The following FRMPD4 variants were observed in gnomAD, a reference collection of about 807,000 sequenced individuals.
FRMPD4 encodes FERM and PDZ domain containing 4, also known as FERM and PDZ domain-containing protein 4.
A neutral mutation model predicts 94.1 loss-of-function variants in FRMPD4; 22 were observed. That is an observed-to-expected ratio of 0.23 (90% CI 0.17 to 0.33). The LOEUF (loss-of-function observed/expected upper bound fraction) is 0.33, where lower values mean the gene tolerates loss of function less well. Among genes scored for constraint, FRMPD4 ranks in the 10% least tolerant of loss-of-function variants. The probability of loss-of-function intolerance (pLI) is 1.00; values close to 1 mark genes in which losing one functional copy is unlikely to be tolerated. For missense variants in FRMPD4, 1,111 were observed against 1,339.9 expected (o/e 0.83, Z 2.67); for synonymous variants, 631 against 548.6 (o/e 1.15, Z -2.10).
intron 1 of FRMPD4, among the ~76,000 whole-genome samples, chrX:11,842,053 G>A (rs2053540462): frequency 9.1e-6 from 1 of 109,558 alleles, no homozygotes; most frequent in Non-Finnish European, 1.9e-5. Flanking sequence ...AGATCAGATA[G>A]TTGTAGATAT....
At chrX:12,077,251 G>A (rs2055027392) in intron 3 of FRMPD4, among the ~76,000 whole-genome samples, 1 of 111,991 alleles carries the variant, frequency 8.9e-6, no homozygotes, top group African/African-American at 3.2e-5. Flanking sequence ...TTTGTGTTCT[G>A]TTTTGTGTAC....
chrX:12,079,159 G>T (rs377554689), intron 3 of FRMPD4, among the ~76,000 whole-genome samples: 69 of 110,667 alleles, frequency 6.2e-4, no homozygotes, highest in Middle Eastern at 4.6e-3. Context: ...GTATGCTCAG[G>T]TCACCTCATC....
At chrX:12,150,000 C>A (rs943808936) in intron 1 of FRMPD4, among the ~76,000 whole-genome samples, 1 of 112,305 alleles carries the variant, frequency 8.9e-6, no homozygotes, top group Non-Finnish European at 1.9e-5. Context: ...TATTTATAAA[C>A]TAAGGTATGC....
chrX:12,350,913 C>G (rs777823756), intron 1 of FRMPD4, among the ~76,000 whole-genome samples: 1 of 112,497 alleles, frequency 8.9e-6, no homozygotes, highest in Non-Finnish European at 1.9e-5. Flanking sequence ...CAGTGGCTCA[C>G]GCCTGTAATC....
At chrX:12,549,485 G>A (rs1337988729) in intron 2 of FRMPD4, among the ~76,000 whole-genome samples, 1 of 112,413 alleles carries the variant, frequency 8.9e-6, no homozygotes, top group Non-Finnish European at 1.9e-5. Flanking sequence ...TGAAGTTAAT[G>A]TACCTTTTCT....
chrX:12,422,024 A>T (rs1406823156), intron 1 of FRMPD4, among the ~76,000 whole-genome samples: 1 of 112,241 alleles, frequency 8.9e-6, no homozygotes, highest in Non-Finnish European at 1.9e-5. Flanking sequence ...AGGGTGTAAA[A>T]CATTTTGGTA....
At chrX:12,029,012 T>G (rs1055134682) in intron 3 of FRMPD4, among the ~76,000 whole-genome samples, 32 of 112,247 alleles carry the variant, frequency 2.9e-4, no homozygotes, top group African/African-American at 1.0e-3. Flanking sequence ...TGTAACTGTT[T>G]GATTGTATGG....
chrX:12,703,083 G>A (rs1184318558), intron 10 of FRMPD4, among the ~76,000 whole-genome samples: 2 of 112,624 alleles, frequency 1.8e-5, no homozygotes, highest in Non-Finnish European at 3.8e-5. Flanking sequence ...GTTGAACATT[G>A]TATGGTCAAA....
chrX:12,650,171 G>A lies in FRMPD4; in HGVS notation c.423-24692G>A, dbSNP rs186089139. On this transcript the variant is annotated intron_variant, in intron 4 of 16. Transcript: ENST00000675598. ...GCACAAAACACGGGAAGTGATATAC[G>A]GGACTCAACTTGAAGGGTAAGCGCC... is the stretch of plus-strand genomic sequence containing the variant. Among the ~76,000 whole-genome samples, 592 of 112,321 alleles carry A rather than the reference G, an allele frequency of 5.3e-3. 6 individuals are homozygous for A. The highest frequency in any genetic ancestry group is 0.018 in the African/African-American group (572 of 30,962).
At chrX:11,880,897 C>T (rs914344630) in intron 3 of FRMPD4, among the ~76,000 whole-genome samples, 2 of 112,184 alleles carry the variant, frequency 1.8e-5, no homozygotes, top group African/African-American at 6.5e-5. Flanking sequence ...CCCACCTTGA[C>T]CTCCCAAAGT....
At chrX:12,530,591 G>A (rs981198648) in intron 2 of FRMPD4, among the ~76,000 whole-genome samples, 1 of 110,943 alleles carries the variant, frequency 9.0e-6, no homozygotes, top group Non-Finnish European at 1.9e-5. Context: ...CAAAGGCCAT[G>A]GAGATGAAAA....
chrX:12,610,655 T>A (rs1407107687), intron 3 of FRMPD4, among the ~76,000 whole-genome samples: 1 of 107,813 alleles, frequency 9.3e-6, no homozygotes, highest in Non-Finnish European at 1.9e-5. Context: ...GACTGAGGCA[T>A]GAGAATCGCT....
intron 3 of FRMPD4, among the ~76,000 whole-genome samples, chrX:12,042,318 C>A (rs896079977): frequency 2.7e-5 from 3 of 109,495 alleles, no homozygotes; most frequent in Non-Finnish European, 3.8e-5. Flanking sequence ...TATGTTGTAG[C>A]AATTTTGGAT....
chrX:11,976,371 C>T (rs976600387), intron 3 of FRMPD4, among the ~76,000 whole-genome samples: 1 of 111,986 alleles, frequency 8.9e-6, no homozygotes, highest in African/African-American at 3.3e-5. Context: ...AGTATTTCCT[C>T]TAAAAGCTAT....
intron 3 of FRMPD4, among the ~76,000 whole-genome samples, chrX:11,886,321 C>A (rs2053844883): frequency 9.0e-6 from 1 of 111,703 alleles, no homozygotes; most frequent in South Asian, 3.8e-4. Context: ...TAGAAGGAAA[C>A]AGTGGGGAAA....
chrX:12,480,119 A>T (rs971191462), intron 1 of FRMPD4, among the ~76,000 whole-genome samples: 2 of 110,845 alleles, frequency 1.8e-5, no homozygotes, highest in Admixed American at 1.9e-4. Flanking sequence ...AAGAAGGAAA[A>T]GTAATTGCAA....
intron 1 of FRMPD4, among the ~76,000 whole-genome samples, chrX:12,313,710 C>T (rs1601808748): frequency 9.0e-6 from 1 of 111,707 alleles, no homozygotes; most frequent in East Asian, 2.8e-4. Flanking sequence ...TTCCCCATTT[C>T]ATTCATTTCA....
chrX:12,212,714 A>G (rs933504672), intron 1 of FRMPD4, among the ~76,000 whole-genome samples: 76 of 112,034 alleles, frequency 6.8e-4, no homozygotes, highest in African/African-American at 2.4e-3. Flanking sequence ...TACCCACCAT[A>G]TGGCTGTCAA....
chrX:12,697,740 C>T (rs181674124), intron 9 of FRMPD4, among the ~76,000 whole-genome samples: 16 of 111,852 alleles, frequency 1.4e-4, no homozygotes, highest in Non-Finnish European at 9.4e-5. Flanking sequence ...GAAATCTTGC[C>T]CAGGGACTAA....
Sources: gnomAD v4.1 joint callset for allele counts (sites outside exome capture counted in the v4.1 genomes callset) on GRCh38, gnomAD v4.1.1 for gene constraint, MANE v1.5 for transcripts, NCBI Gene and HGNC (gene_info 2026-07-23, HGNC 2026-07-21) for gene names.